RAC1: variants seen among roughly 807,000 people sequenced by gnomAD.
The protein encoded by RAC1 is Rac family small GTPase 1.
RAC1 carries 2 observed loss-of-function variants against 25.2 expected under a neutral mutation model. The ratio of observed to expected loss-of-function variants is 0.08; its 90% confidence interval spans 0.03 to 0.25. The LOEUF (loss-of-function observed/expected upper bound fraction) is 0.25. RAC1 is among the 10% of genes least tolerant of loss of function. The pLI is 1.00. For missense variants in RAC1, 50 were observed against 235.7 expected, an observed-to-expected ratio of 0.21 and a Z score of 5.16; for synonymous variants, 88 against 94.0, an observed-to-expected ratio of 0.94 and a Z score of 0.37.
chr7:6,392,109 A>G (rs2115201583), intron 3 of RAC1, 68 bp downstream of exon 3: 1 of 1,604,686 alleles, frequency 6.2e-7, no homozygotes, highest in African/African-American at 1.3e-5. Context: ...TAATTAGTGC[A>G]TGTTACCTAT....
intron 1 of RAC1, chr7:6,375,855 A>T (rs536507284): frequency 6.6e-6 from 1 of 152,108 alleles, no homozygotes; most frequent in African/African-American, 2.4e-5. Flanking sequence ...TTTTTCTCCC[A>T]TAGAAACAAG....
intron 1 of RAC1, among the ~76,000 whole-genome samples, chr7:6,382,873 T>C (rs1330685314): frequency 6.6e-6 from 1 of 152,248 alleles, no homozygotes; most frequent in Non-Finnish European, 1.5e-5. Context: ...GACTCCGTCT[T>C]AAAGTTCTCT....
At chr7:6,388,449 G>A (rs1782988181) in intron 2 of RAC1, among the ~76,000 whole-genome samples, 1 of 147,598 alleles carries the variant, frequency 6.8e-6, no homozygotes, top group Non-Finnish European at 1.5e-5. Flanking sequence ...GGGTTCAAGT[G>A]ATTCTCTGCC....
chr7:6,387,384 C>A (rs1010330136), intron 2 of RAC1, 101 bp downstream of exon 2: 1 of 821,830 alleles, frequency 1.2e-6, no homozygotes, highest in Non-Finnish European at 2.0e-6. Context: ...CTCATATGAA[C>A]AGATACTAAT....
intron 3 of RAC1, among the ~76,000 whole-genome samples, chr7:6,396,904 C>T (rs1158828326): frequency 6.6e-6 from 1 of 151,998 alleles, no homozygotes; most frequent in Non-Finnish European, 1.5e-5. Flanking sequence ...GTGGCGGGCA[C>T]CTGTGGTCCC....
In RAC1 at chr7:6,403,830, C is replaced by T. The variant is rs550772240; in HGVS notation, c.*1384C>T. On this transcript the variant is annotated 3_prime_UTR_variant, in exon 6 of 6. Transcript: ENST00000348035. ...ACTTAACTCACTGGCGAGAATACAG[C>T]GTGGGACCCTTCAGCCACTACAACA... 30 of 220,580 alleles carry T rather than the reference C, an allele frequency of 1.4e-4. No homozygotes were observed. Among genetic ancestry groups the T allele is most frequent in the African/African-American group, 5.4e-4 (24 of 44,694 alleles). The allele number at this position is 220,580 out of a possible 1,614,324, so 13.7% of individuals were successfully genotyped here.
chr7:6,375,032 C>G (rs944709990), intron 1 of RAC1, among the ~76,000 whole-genome samples: 23 of 151,774 alleles, frequency 1.5e-4, no homozygotes, highest in Non-Finnish European at 3.2e-4. Flanking sequence ...CTCCACCCTC[C>G]GGCTTTCTTC....
rs1240617392 is a variant in RAC1 at position 6,387,275 on chromosome 7, C to T, written c.99C>T (p.Ile33=). The T allele has an allele frequency of 6.4e-7, 1 of 1,551,530 alleles. No homozygotes were observed. The highest frequency in any genetic ancestry group is 8.7e-7 in the Non-Finnish European group (1 of 1,147,388). ...YTTNAFPGEY[I]PTVFDNYSAN... Reference sequence around the variant, plus strand: ...CCAATGCATTTCCTGGAGAATATATCCCTACTGTGTAAGTATCTTAAATTG... The same window carrying T: ...CCAATGCATTTCCTGGAGAATATATTCCTACTGTGTAAGTATCTTAAATTG... Residue 33 remains isoleucine, a synonymous_variant, in exon 2 of 6, where the codon ATC becomes ATT. Transcript: ENST00000348035.
intron 3 of RAC1, among the ~76,000 whole-genome samples, chr7:6,395,264 C>G (rs1226959565): frequency 6.6e-6 from 1 of 152,186 alleles, no homozygotes; most frequent in Non-Finnish European, 1.5e-5. Flanking sequence ...CTACGCCTGG[C>G]CAGTGCTAGA....
At chr7:6,398,080 A>G (rs905559991) in intron 3 of RAC1, among the ~76,000 whole-genome samples, 1 of 152,202 alleles carries the variant, frequency 6.6e-6, no homozygotes, top group African/African-American at 2.4e-5. Context: ...GCTGATTTTG[A>G]TAATGCAAGT....
chr7:6,383,351 TTAAG>T (rs1782826834), intron 1 of RAC1, among the ~76,000 whole-genome samples: 1 of 152,210 alleles, frequency 6.6e-6, no homozygotes, highest in African/African-American at 2.4e-5. Flanking sequence ...TTTGAATAAA[TTAAG>T]TAAAAGTTTT....
In RAC1 at chr7:6,402,185, C is replaced by T. The variant is rs1481659723; in HGVS notation, c.449-131C>T. The T allele has an allele frequency of 1.9e-5, 28 of 1,456,464 alleles. 1 individual carries two copies. Among genetic ancestry groups the T allele is most frequent in the South Asian group, 5.4e-5 (4 of 73,954 alleles). The allele number at this position is 1,456,464 out of a possible 1,614,324, so 90.2% of individuals were successfully genotyped here. Reference sequence around the variant, plus strand: ...AAGGCCCTGTGGGTCTTAACGTCAGCGTTGGAAGGTGGAAGCAGGGCTGGG... The same window carrying T: ...AAGGCCCTGTGGGTCTTAACGTCAGTGTTGGAAGGTGGAAGCAGGGCTGGG... On this transcript the variant is annotated intron_variant, in intron 5 of 5. Coordinates refer to ENST00000348035, the MANE Select transcript of RAC1 (RefSeq NM_006908.5).
chr7:6,375,214 C>G (rs1397078994), intron 1 of RAC1, among the ~76,000 whole-genome samples: 2 of 151,986 alleles, frequency 1.3e-5, no homozygotes, highest in Admixed American at 1.3e-4. Context: ...TTGATGCATG[C>G]TTGATTGTAC....
intron 4 of RAC1, 126 bp from the exon 5 acceptor site, chr7:6,401,742 A>AGCCTCC: frequency 1.1e-6 from 1 of 935,012 alleles, no homozygotes; most frequent in East Asian, 2.5e-5. Flanking sequence ...AACCACCTGA[A>AGCCTCC]GCCTCCGTGG....
At chr7:6,387,729 A>AG (rs1367679403) in intron 2 of RAC1, among the ~76,000 whole-genome samples, 1 of 148,638 alleles carries the variant, frequency 6.7e-6, no homozygotes, top group African/African-American at 2.6e-5. Context: ...CCATCTCAAA[A>AG]GAAAAAAAAA....
intron 3 of RAC1, among the ~76,000 whole-genome samples, chr7:6,397,244 AAAAAAAAAG>A (rs145675252): frequency 0.14 from 20,471 of 145,254 alleles, 1,539 homozygotes; most frequent in Admixed American, 0.21. Context: ...CTGTCTCAAA[AAAAAAAAAG>A]AAAAAAAAGA....
Position 6,390,096 on chromosome 7 carries a change from C to CCTTTTTTT in RAC1, c.108-1828_108-1827insCTTTTTTT, listed in dbSNP as rs1554263519. ...CCTCCCTTGCTCCCTCCCTCCCTCC[C>CCTTTTTTT]TTTTTTTTTTTTTTTTTTTTTGAGA... On this transcript the variant is annotated intron_variant, in intron 2 of 5. Transcript: ENST00000348035. 1.6e-4 allele frequency among the ~76,000 whole-genome samples: 12 copies of CCTTTTTTT among 74,912 alleles called. 1 individual carries two copies. The highest frequency in any genetic ancestry group is 4.4e-4 in the African/African-American group (7 of 15,856). The allele number at this position is 74,912 out of a possible 152,430, so 49.1% of individuals were successfully genotyped here. A position where few individuals can be genotyped will look rare whatever the true frequency, so the allele number is the denominator to read the frequency against.
chr7:6,398,580 TAAA>T (rs1413627785), intron 3 of RAC1: 8 of 1,238,610 alleles, frequency 6.5e-6, no homozygotes, highest in Non-Finnish European at 9.3e-6. Context: ...AAAATTCTAA[TAAA>T]GAATCGATAA....
At chr7:6,383,679 A>C (rs1293830839) in intron 1 of RAC1, among the ~76,000 whole-genome samples, 1 of 151,902 alleles carries the variant, frequency 6.6e-6, no homozygotes, top group African/African-American at 2.4e-5. Flanking sequence ...ACAGAATAGT[A>C]AAAGAAGTGA....
Sources: gnomAD v4.1 joint callset for allele counts (sites outside exome capture counted in the v4.1 genomes callset) on GRCh38, gnomAD v4.1.1 for gene constraint, MANE v1.5 for transcripts, NCBI Gene and HGNC (gene_info 2026-07-23, HGNC 2026-07-21) for gene names.